The following MTX2 variants were observed in gnomAD, a reference collection of about 807,000 sequenced individuals.
MTX2 encodes metaxin 2.
Under a neutral mutation model 42.3 loss-of-function variants are expected in MTX2, and 35 were observed. The ratio of observed to expected loss-of-function variants is 0.83; its 90% CI spans 0.63 to 1.10. The LOEUF is 1.10. Ranked by LOEUF, MTX2 falls within the 50% of genes least tolerant of loss-of-function variation. The pLI is 0.00. For synonymous variants in MTX2, 119 were observed against 100.9 expected, an observed-to-expected ratio of 1.18 and a Z score of -1.08; for missense variants, 307 against 304.1, an observed-to-expected ratio of 1.01 and a Z score of -0.07.
At chr2:176,301,778 G>A (rs976231083) in intron 3 of MTX2, among the ~76,000 whole-genome samples, 7 of 152,094 alleles carry the variant, frequency 4.6e-5, no homozygotes, top group African/African-American at 1.7e-4. Context: ...ATGATTAATA[G>A]TTTACATTAA....
chr2:176,310,380 G>A (rs1467201873), intron 3 of MTX2, among the ~76,000 whole-genome samples: 3 of 152,068 alleles, frequency 2.0e-5, no homozygotes, highest in Admixed American at 2.0e-4. Flanking sequence ...ATGTGTGTTG[G>A]GGTTGCTCTT....
At chr2:176,319,611 T>A (rs1177828447) in intron 3 of MTX2, among the ~76,000 whole-genome samples, 1 of 152,090 alleles carries the variant, frequency 6.6e-6, no homozygotes, top group African/African-American at 2.4e-5. Flanking sequence ...AGTCTTGCTC[T>A]GTCACCTAGG....
chr2:176,337,014 C>T (rs1327468299), intron 9 of MTX2, among the ~76,000 whole-genome samples: 2 of 152,072 alleles, frequency 1.3e-5, no homozygotes, highest in African/African-American at 4.8e-5. Context: ...GCAGTGTTTG[C>T]ATGTAATCTA....
In MTX2 at chr2:176,323,403, A is replaced by G. The variant is rs747933625; in HGVS notation, c.147A>G (p.Gln49=). 4.3e-6 allele frequency: 7 copies of G among 1,611,150 alleles called. No individual in the cohort carries two copies. The highest frequency in any genetic ancestry group is 5.9e-6 in the Non-Finnish European group (7 of 1,178,124). ...AASLAVQAFL[Q]MCNLPIKVVC... ...ATCTTGATTTACAGGCCTTTTTGCA[A>G]ATGTGTAACTTGCCTATCAAAGTAG... The change falls in exon 4 of 10, where the codon CAA becomes CAG. Residue 49 remains glutamine (Q), a synonymous_variant. Transcript: ENST00000249442.
intron 1 of MTX2, among the ~76,000 whole-genome samples, chr2:176,291,384 G>A (rs1368008177): frequency 6.6e-6 from 1 of 152,150 alleles, no homozygotes; most frequent in Non-Finnish European, 1.5e-5. Context: ...TGTTTATTCA[G>A]CAACATTTAC....
chr2:176,332,838 T>C (rs1684893632), intron 9 of MTX2, among the ~76,000 whole-genome samples: 1 of 151,346 alleles, frequency 6.6e-6, no homozygotes, highest in African/African-American at 2.4e-5. Context: ...TTTGAAAGCA[T>C]TAATATAGAT....
At chr2:176,310,238 G>C (rs1684269294) in intron 3 of MTX2, among the ~76,000 whole-genome samples, 1 of 146,346 alleles carries the variant, frequency 6.8e-6, no homozygotes, top group Non-Finnish European at 1.5e-5. Context: ...TTGGCCCCCA[G>C]TCTCTTCTGG....
intron 3 of MTX2, among the ~76,000 whole-genome samples, chr2:176,313,468 C>T (rs552166345): frequency 3.7e-4 from 55 of 147,260 alleles, no homozygotes; most frequent in African/African-American, 1.3e-3. Context: ...TCTTGGCTCA[C>T]TGCAACTTCC....
At chr2:176,326,321 T>A (rs1393977204) in intron 4 of MTX2, among the ~76,000 whole-genome samples, 1 of 151,754 alleles carries the variant, frequency 6.6e-6, no homozygotes, top group African/African-American at 2.4e-5. Flanking sequence ...TAAAGAGATT[T>A]ATTGATATAC....
chr2:176,320,663 C>T (rs1446813987), intron 3 of MTX2, among the ~76,000 whole-genome samples: 2 of 151,570 alleles, frequency 1.3e-5, no homozygotes, highest in Non-Finnish European at 2.9e-5. Flanking sequence ...ATCTCTCCAG[C>T]TAAGGTCTTA....
chr2:176,300,917 T>C (rs1480679090), intron 3 of MTX2, among the ~76,000 whole-genome samples: 1 of 152,086 alleles, frequency 6.6e-6, no homozygotes, highest in Non-Finnish European at 1.5e-5. Context: ...TACTTCTTTC[T>C]CTCCTAATTC....
intron 1 of MTX2, among the ~76,000 whole-genome samples, chr2:176,290,557 T>C (rs1203736557): frequency 1.3e-5 from 2 of 152,126 alleles, no homozygotes; most frequent in African/African-American, 4.8e-5. Flanking sequence ...AGTTGTCCTT[T>C]TGGATTTTGT....
At chr2:176,298,891 G>A (rs114542378) in intron 3 of MTX2, among the ~76,000 whole-genome samples, 1 of 152,076 alleles carries the variant, frequency 6.6e-6, no homozygotes, top group Non-Finnish European at 1.5e-5. Context: ...AAAAGCTATA[G>A]AACATTTTAA....
rs1007832727 is a variant in MTX2 at position 176,317,047 on chromosome 2, A to AC, written c.136-6345_136-6344insC. 1.1e-4 allele frequency among the ~76,000 whole-genome samples: 16 copies of AC among 151,594 alleles called. No homozygotes were observed. In the East Asian group the frequency reaches 1.4e-3, roughly 13 times the overall value. On this transcript the variant is annotated intron_variant, in intron 3 of 9. Coordinates refer to ENST00000249442, the MANE Select transcript of MTX2 (RefSeq NM_006554.5). ...GACTAAGTGTCTTTTTTAAAAAAAA[A>AC]AAAACAAAAACTTTTATTTTCAGAA...
At chr2:176,318,704 A>G (rs974660053) in intron 3 of MTX2, among the ~76,000 whole-genome samples, 2 of 152,216 alleles carry the variant, frequency 1.3e-5, no homozygotes, top group East Asian at 1.9e-4. Context: ...TTTAAAAATA[A>G]TGTTTGCTAT....
chr2:176,327,016 T>C (rs1684724071), intron 5 of MTX2, 115 bp downstream of exon 5: 1 of 543,922 alleles, frequency 1.8e-6, no homozygotes, highest in Non-Finnish European at 3.1e-6. Context: ...CAATGCAAAC[T>C]ACTGGAAAAT....
chr2:176,328,269 T>G, intron 5 of MTX2, 24 bp from the exon 6 acceptor site: 1 of 1,464,912 alleles, frequency 6.8e-7, no homozygotes, highest in Non-Finnish European at 9.2e-7. Context: ...GATGTTCTTT[T>G]AAATTTTTTT....
chr2:176,307,433 T>A (rs1684181040), intron 3 of MTX2, among the ~76,000 whole-genome samples: 1 of 152,246 alleles, frequency 6.6e-6, no homozygotes, highest in Admixed American at 6.5e-5. Flanking sequence ...TTTCCAATTC[T>A]GTGAAAAAAG....
At chr2:176,304,673 C>G (rs1316897911) in intron 3 of MTX2, among the ~76,000 whole-genome samples, 1 of 151,870 alleles carries the variant, frequency 6.6e-6, no homozygotes, top group East Asian at 1.9e-4. Context: ...TCCTTTGTGT[C>G]TGGTTGAAAA....
Sources: gnomAD v4.1 joint callset for allele counts (sites outside exome capture counted in the v4.1 genomes callset) on GRCh38, gnomAD v4.1.1 for gene constraint, MANE v1.5 for transcripts, NCBI Gene and HGNC (gene_info 2026-07-23, HGNC 2026-07-21) for gene names.